EDN1: variants seen among roughly 807,000 people sequenced by gnomAD.
EDN1 encodes the protein endothelin-1.
Under a neutral mutation model 21.7 loss-of-function variants are expected in EDN1, and 11 were observed. That is an observed-to-expected ratio of 0.51 (90% CI 0.32 to 0.84). EDN1 has a LOEUF of 0.84. EDN1 is among the 40% of genes least tolerant of loss of function. The pLI is 0.03. For missense variants in EDN1, 244 were observed against 262.3 expected (o/e 0.93, Z 0.48); for synonymous variants, 85 against 90.6 (o/e 0.94, Z 0.35).
upstream of EDN1, among the ~76,000 whole-genome samples, chr6:12,289,731 A>C (rs1014706827): frequency 6.6e-6 from 1 of 152,192 alleles, no homozygotes; most frequent in Admixed American, 6.5e-5. Flanking sequence ...TGTTATTTTT[A>C]AGCTCCCTTT....
chr6:12,270,370 G>A, the EDN1 span, among the ~76,000 whole-genome samples: 1 of 151,740 alleles, frequency 6.6e-6, no homozygotes, highest in African/African-American at 2.4e-5. Context: ...ACAATGTTAG[G>A]TTTTTATCTG....
chr6:12,231,445 T>C, the EDN1 span, among the ~76,000 whole-genome samples: 2 of 152,248 alleles, frequency 1.3e-5, no homozygotes, highest in East Asian at 3.8e-4. Context: ...ACACGTTTTA[T>C]TGTTTTTCCC....
the EDN1 span, among the ~76,000 whole-genome samples, chr6:12,255,015 T>C: frequency 6.6e-6 from 1 of 152,232 alleles, no homozygotes; most frequent in Non-Finnish European, 1.5e-5. Context: ...TGGGCAACTT[T>C]ACAGCTTTCA....
chr6:12,264,038 A>G, the EDN1 span, among the ~76,000 whole-genome samples: 1 of 152,250 alleles, frequency 6.6e-6, no homozygotes, highest in African/African-American at 2.4e-5. Context: ...TTTATCTGTA[A>G]TACTCAAGGA....
the EDN1 span, among the ~76,000 whole-genome samples, chr6:12,282,219 A>T: frequency 6.6e-6 from 1 of 152,324 alleles, no homozygotes; most frequent in Non-Finnish European, 1.5e-5. Context: ...GGAAAAATGA[A>T]GCCACTGGTA....
chr6:12,292,272 A>C, intron 1 of EDN1, 69 bp from the exon 2 acceptor site: 1 of 1,599,816 alleles, frequency 6.3e-7, no homozygotes, highest in East Asian at 2.2e-5. Flanking sequence ...CTCTGACTCT[A>C]CTGTGATCCA....
intron 1 of EDN1, 127 bp downstream of exon 1, chr6:12,290,820 T>C (rs1762660219): frequency 1.2e-6 from 1 of 822,806 alleles, no homozygotes; most frequent in Non-Finnish European, 2.1e-6. Context: ...AGCAAGTGTC[T>C]GAGAATTATT....
the EDN1 span, among the ~76,000 whole-genome samples, chr6:12,239,207 TG>T: frequency 6.6e-6 from 1 of 152,328 alleles, no homozygotes; most frequent in African/African-American, 2.4e-5. Context: ...CAATCATTCG[TG>T]TTCCTTTCTG....
chr6:12,253,205 A>G, the EDN1 span, among the ~76,000 whole-genome samples: 1 of 152,202 alleles, frequency 6.6e-6, no homozygotes. Context: ...GAGCAATGAA[A>G]TTAGCAATTT....
chr6:12,265,765 C>T, the EDN1 span, among the ~76,000 whole-genome samples: 1 of 152,034 alleles, frequency 6.6e-6, no homozygotes. Context: ...TTGTTTAGTC[C>T]CATGGTAGTA....
the EDN1 span, among the ~76,000 whole-genome samples, chr6:12,244,078 C>G: frequency 1.3e-5 from 2 of 151,946 alleles, no homozygotes. Context: ...TCCCAGGAAG[C>G]TTTCATTTGT....
chr6:12,272,714 G>T, the EDN1 span, among the ~76,000 whole-genome samples: 1 of 151,018 alleles, frequency 6.6e-6, no homozygotes, highest in Non-Finnish European at 1.5e-5. Flanking sequence ...TGATCCACCC[G>T]CCTCGGCCTC....
the EDN1 span, among the ~76,000 whole-genome samples, chr6:12,249,051 T>A: frequency 6.6e-6 from 1 of 152,206 alleles, no homozygotes; most frequent in East Asian, 1.9e-4. Flanking sequence ...TCAAAGTTAA[T>A]CTATCACATT....
chr6:12,276,030 T>C, the EDN1 span, among the ~76,000 whole-genome samples: 165 of 151,206 alleles, frequency 1.1e-3, no homozygotes, highest in Non-Finnish European at 1.7e-3. Context: ...GGCGTGGTGG[T>C]GGGTGCCTGT....
At chr6:12,239,844 G>T in the EDN1 span, among the ~76,000 whole-genome samples, 1 of 152,158 alleles carries the variant, frequency 6.6e-6, no homozygotes, top group East Asian at 1.9e-4. Context: ...AGAAGGCAGA[G>T]GTTGTAGTGA....
At chr6:12,277,137 A>C in the EDN1 span, among the ~76,000 whole-genome samples, 1 of 152,178 alleles carries the variant, frequency 6.6e-6, no homozygotes, top group Non-Finnish European at 1.5e-5. Context: ...ACTGTCTTGC[A>C]ATATGATGAA....
At chr6:12,272,751 G>A in the EDN1 span, among the ~76,000 whole-genome samples, 24 of 152,094 alleles carry the variant, frequency 1.6e-4, no homozygotes, top group African/African-American at 5.8e-4. Flanking sequence ...ATAGGCATGG[G>A]CCACTGCGCC....
At chr6:12,284,684 AAGAG>A in the EDN1 span, among the ~76,000 whole-genome samples, 1 of 148,024 alleles carries the variant, frequency 6.8e-6, no homozygotes, top group Admixed American at 6.7e-5. Flanking sequence ...GAAAGAAAGA[AAGAG>A]AGAAAGAAAG....
Position 12,290,527 on chromosome 6 carries a change from A to G in EDN1, c.-103A>G, listed in dbSNP as rs1762646445. ...GCACTTGGGCTGAAGGATCGCTTTG[A>G]GATCTGAGGAACCCGCAGCGCTTTG... On this transcript the variant is annotated 5_prime_UTR_variant, in exon 1 of 5. Transcript: ENST00000379375. 3 of 929,502 alleles carry G rather than the reference A, an allele frequency of 3.2e-6. No homozygotes were observed. Among genetic ancestry groups the G allele is most frequent in the African/African-American group, 1.6e-5 (1 of 61,776 alleles). 57.6% of individuals were successfully genotyped at this position (929,502 alleles called of 1,614,324 possible). A position where few individuals can be genotyped will look rare whatever the true frequency, so the allele number is the denominator to read the frequency against.
Sources: allele counts gnomAD v4.1 joint callset (sites outside exome capture counted in the v4.1 genomes callset), GRCh38; gene constraint gnomAD v4.1.1; transcripts MANE v1.5; gene names NCBI Gene and HGNC (gene_info 2026-07-23, HGNC 2026-07-21).